Variants in RAD51 observed in about 807,000 individuals in gnomAD.
RAD51 encodes RAD51 recombinase.
In RAD51, 14 loss-of-function variants were observed where a neutral mutation model predicts 41.5. The observed-to-expected ratio is 0.34, with a 90% CI of 0.22 to 0.53. RAD51 has a LOEUF of 0.53. RAD51 is among the 20% of genes least tolerant of loss of function. The pLI is 0.95. For synonymous variants in RAD51, 136 were observed against 148.6 expected (o/e 0.92, Z 0.62); for missense variants, 234 against 422.0 (o/e 0.55, Z 3.90).
At chr15:40,694,874 T>A (rs1273681454), upstream of RAD51, 2 of 152,066 alleles carry the variant, frequency 1.3e-5, no homozygotes, top group Admixed American at 6.6e-5. Flanking sequence ...CGCGAGGGAC[T>A]GGGGTAGGAG....
chr15:40,710,270 A>AGGG (rs1194447141), intron 5 of RAD51, among the ~76,000 whole-genome samples: 40 of 114,812 alleles, frequency 3.5e-4, no homozygotes, highest in Non-Finnish European at 2.6e-4. Context: ...AAAAAAAAAA[A>AGGG]GAAGAAGAAA....
chr15:40,705,809 T>C (rs1054184752), intron 3 of RAD51, among the ~76,000 whole-genome samples: 31 of 152,324 alleles, frequency 2.0e-4, no homozygotes, highest in African/African-American at 7.0e-4. Context: ...GGTTTCACCA[T>C]GTTAGCCAGG....
intron 2 of RAD51, 117 bp from the exon 3 acceptor site, chr15:40,700,947 A>AT: frequency 1.7e-6 from 2 of 1,199,154 alleles, no homozygotes; most frequent in Non-Finnish European, 2.3e-6. Context: ...AAGGATTTCA[A>AT]GGGACAGTTG....
At chr15:40,718,638 G>T (rs1437085283) in intron 5 of RAD51, among the ~76,000 whole-genome samples, 167 bp from the exon 6 acceptor site, 1 of 152,114 alleles carries the variant, frequency 6.6e-6, no homozygotes, top group Non-Finnish European at 1.5e-5. Context: ...TATTTTTCTA[G>T]CTGTATTTCT....
At chr15:40,729,241 C>T (rs1204537216) in intron 7 of RAD51, among the ~76,000 whole-genome samples, 9 of 151,708 alleles carry the variant, frequency 5.9e-5, no homozygotes, top group East Asian at 1.9e-4. Context: ...GGTGTGGTGG[C>T]GGGCGCCTGT....
At chr15:40,703,679 T>G (rs59715856) in intron 3 of RAD51, among the ~76,000 whole-genome samples, 277 of 152,280 alleles carry the variant, frequency 1.8e-3, no homozygotes, top group African/African-American at 6.5e-3. Context: ...GTCCCCTCTT[T>G]CATTCTTGAT....
chr15:40,708,882 C>A, intron 4 of RAD51, 143 bp from the exon 5 acceptor site: 1 of 789,766 alleles, frequency 1.3e-6, no homozygotes, highest in Non-Finnish European at 2.1e-6. Flanking sequence ...CCTCAAAATA[C>A]ATTTGTGAAA....
intron 6 of RAD51, among the ~76,000 whole-genome samples, chr15:40,728,300 A>G (rs1019335801): frequency 2.6e-5 from 4 of 152,170 alleles, no homozygotes; most frequent in Non-Finnish European, 4.4e-5. Flanking sequence ...TGTCTCTACT[A>G]AAAATAAAAA....
intron 8 of RAD51, 69 bp downstream of exon 8, chr15:40,729,703 A>G: frequency 6.2e-7 from 1 of 1,611,652 alleles, no homozygotes; most frequent in Non-Finnish European, 8.5e-7. Flanking sequence ...CCTTGCTAGG[A>G]GGCTAAGACA....
chr15:40,728,661 T>C (rs1428050888), intron 6 of RAD51, 50 bp from the exon 7 acceptor site: 1 of 1,475,602 alleles, frequency 6.8e-7, no homozygotes, highest in South Asian at 1.1e-5. Flanking sequence ...AAATTGCTCA[T>C]CTGCCTGAGT....
chr15:40,704,448 G>T (rs577296273), intron 3 of RAD51, among the ~76,000 whole-genome samples: 2 of 147,138 alleles, frequency 1.4e-5, no homozygotes, highest in African/African-American at 5.1e-5. Context: ...TGCAACCTCC[G>T]CCGCCCGGGT....
chr15:40,708,192 A>G (rs1479523316), intron 4 of RAD51, among the ~76,000 whole-genome samples: 1 of 128,006 alleles, frequency 7.8e-6, no homozygotes. Flanking sequence ...TAATTTTTGT[A>G]TTTTTAGTAG....
chr15:40,712,032 A>G (rs1595996853), intron 5 of RAD51, among the ~76,000 whole-genome samples: 1 of 150,988 alleles, frequency 6.6e-6, no homozygotes, highest in Non-Finnish European at 1.5e-5. Context: ...AGATTGTACC[A>G]CTGCTCTCCA....
intron 6 of RAD51, among the ~76,000 whole-genome samples, chr15:40,728,117 C>G (rs1209096275): frequency 6.6e-6 from 1 of 152,140 alleles, no homozygotes; most frequent in Non-Finnish European, 1.5e-5. Flanking sequence ...GCCTCGGCAT[C>G]CCAAAGTGCT....
At position 40,731,976 on chromosome 15, in the gene RAD51, G is replaced by C. The variant is rs924252897; in HGVS notation, c.*798G>C. 9.1e-5 allele frequency: 19 copies of C among 208,820 alleles called. No homozygotes were observed. Among genetic ancestry groups the C allele is most frequent in the African/African-American group, 3.6e-4 (16 of 43,914 alleles). The allele number at this position is 208,820 out of a possible 1,614,324, so 12.9% of individuals were successfully genotyped here. A position where few individuals can be genotyped will look rare whatever the true frequency, so the allele number is the denominator to read the frequency against. On this transcript the variant is annotated 3_prime_UTR_variant, in exon 10 of 10. Transcript: ENST00000267868. Reference sequence around the variant, plus strand: ...CACGTGCCTGTAGTCCCAGCTACTCGATAGCCTGAGGTGGGAGAATCACTT... The same window carrying C: ...CACGTGCCTGTAGTCCCAGCTACTCCATAGCCTGAGGTGGGAGAATCACTT...
intron 5 of RAD51, among the ~76,000 whole-genome samples, chr15:40,715,365 CA>C (rs1002228129): frequency 1.5e-4 from 6 of 40,286 alleles, no homozygotes; most frequent in African/African-American, 3.6e-4. Flanking sequence ...AAAAAAAAAC[CA>C]AAAACCAAAA....
chr15:40,718,104 G>A (rs1020277079), intron 5 of RAD51, among the ~76,000 whole-genome samples: 1 of 152,026 alleles, frequency 6.6e-6, no homozygotes, highest in Non-Finnish European at 1.5e-5. Flanking sequence ...CACACCTATG[G>A]TCTCAGCTAT....
At chr15:40,721,995 A>T (rs1438921942) in intron 6 of RAD51, among the ~76,000 whole-genome samples, 1 of 152,248 alleles carries the variant, frequency 6.6e-6, no homozygotes, top group Non-Finnish European at 1.5e-5. Flanking sequence ...TAAAAGGAAG[A>T]AAACACATTT....
intron 5 of RAD51, among the ~76,000 whole-genome samples, chr15:40,717,081 G>A (rs577330021): frequency 3.3e-5 from 5 of 151,728 alleles, no homozygotes; most frequent in East Asian, 2.0e-4. Flanking sequence ...AGTGGCTCAC[G>A]CCTCCCAGCA....
Sources: allele counts gnomAD v4.1 joint callset (sites outside exome capture counted in the v4.1 genomes callset), GRCh38; gene constraint gnomAD v4.1.1; transcripts MANE v1.5; gene names NCBI Gene and HGNC (gene_info 2026-07-23, HGNC 2026-07-21).